The following SPICE1 variants were observed in gnomAD, a reference collection of about 807,000 sequenced individuals.
The protein encoded by SPICE1 is spindle and centriole-associated protein 1.
SPICE1 carries 75 observed loss-of-function variants against 102.7 expected under a neutral mutation model. The ratio of observed to expected loss-of-function variants is 0.73; its 90% confidence interval spans 0.61 to 0.88. The LOEUF (loss-of-function observed/expected upper bound fraction) is 0.88. Ranked by LOEUF, SPICE1 falls within the 40% of genes least tolerant of loss-of-function variation. SPICE1 has a pLI of 0.00. For missense variants in SPICE1, 979 were observed against 1,020.1 expected (o/e 0.96, Z 0.55); for synonymous variants, 308 against 350.3 (o/e 0.88, Z 1.35).
At chr3:113,455,299 C>T (rs1935755340) in intron 13 of SPICE1, among the ~76,000 whole-genome samples, 2 of 152,086 alleles carry the variant, frequency 1.3e-5, no homozygotes, top group African/African-American at 4.8e-5. Flanking sequence ...ACCCACTACT[C>T]GTTCAAGAAG....
chr3:113,509,003 T>A (rs997192509), intron 1 of SPICE1, among the ~76,000 whole-genome samples: 1 of 152,194 alleles, frequency 6.6e-6, no homozygotes, highest in Non-Finnish European at 1.5e-5. Flanking sequence ...CCCCCTATTG[T>A]TTGGTATCAT....
intron 10 of SPICE1, among the ~76,000 whole-genome samples, chr3:113,467,260 T>C (rs1044936885): frequency 5.3e-5 from 8 of 152,240 alleles, no homozygotes; most frequent in Non-Finnish European, 1.0e-4. Flanking sequence ...CTGTGGATGA[T>C]TATTTGAAAT....
chr3:113,489,847 C>CAAAAAA (rs35823502), intron 6 of SPICE1, among the ~76,000 whole-genome samples: 9 of 80,184 alleles, frequency 1.1e-4, no homozygotes, highest in Admixed American at 3.0e-4. Flanking sequence ...GACCCTGTCT[C>CAAAAAA]AAAAAAAAAA....
chr3:113,459,081 C>A lies in SPICE1; in HGVS notation c.1435+1536G>T, dbSNP rs149899114. On this transcript the variant is annotated intron_variant, in intron 12 of 17. Coordinates refer to ENST00000295872, the MANE Select transcript of SPICE1 (RefSeq NM_144718.4). ...ATTTTGTTCTGTACTAAGAAAAATTCTTCTGCCTTGGGATGCTGTTAATCT... is the reference window on the plus strand; with the variant it reads ...ATTTTGTTCTGTACTAAGAAAAATTATTCTGCCTTGGGATGCTGTTAATCT... Among the ~76,000 whole-genome samples the A allele has an allele frequency of 8.1e-3, 1,230 of 152,304 alleles. 13 individuals are homozygous for A. The highest frequency in any genetic ancestry group is 0.028 in the African/African-American group (1,151 of 41,552).
intron 7 of SPICE1, among the ~76,000 whole-genome samples, chr3:113,479,418 T>C (rs899356131): frequency 4.6e-5 from 7 of 151,940 alleles, no homozygotes; most frequent in African/African-American, 1.7e-4. Flanking sequence ...CTATTGTGAA[T>C]AGTGCCGCAA....
intron 7 of SPICE1, among the ~76,000 whole-genome samples, chr3:113,478,163 G>C (rs551276643): frequency 6.6e-6 from 1 of 151,970 alleles, no homozygotes; most frequent in East Asian, 1.9e-4. Flanking sequence ...TGAAATTATA[G>C]TACAATAAAC....
chr3:113,486,967 C>T (rs186810022), intron 7 of SPICE1, among the ~76,000 whole-genome samples: 42 of 150,946 alleles, frequency 2.8e-4, no homozygotes, highest in African/African-American at 6.6e-4. Flanking sequence ...TAAGTGTAGA[C>T]GGGAACTAGT....
chr3:113,491,358 C>T (rs1245853345), intron 6 of SPICE1, among the ~76,000 whole-genome samples: 4 of 152,058 alleles, frequency 2.6e-5, no homozygotes, highest in Non-Finnish European at 4.4e-5. Context: ...TGGTGGCTCA[C>T]GCCTGTAATC....
At chr3:113,507,902 C>T (rs1937143348) in intron 1 of SPICE1, among the ~76,000 whole-genome samples, 1 of 152,064 alleles carries the variant, frequency 6.6e-6, no homozygotes, top group South Asian at 2.1e-4. Context: ...GAAGGTCACA[C>T]AATTAGTAAG....
chr3:113,457,389 G>A (rs1935803114), intron 12 of SPICE1, 32 bp from the exon 13 acceptor site: 2 of 1,602,318 alleles, frequency 1.2e-6, no homozygotes, highest in Non-Finnish European at 1.7e-6. Context: ...TAGTACAATA[G>A]GAACAAAAAG....
chr3:113,457,062 A>G, intron 13 of SPICE1, 74 bp downstream of exon 13: 11 of 1,406,646 alleles, frequency 7.8e-6, no homozygotes, highest in Non-Finnish European at 1.1e-5. Flanking sequence ...TTTTTCATGT[A>G]ATGGTGAAAG....
chr3:113,469,623 T>C (rs1232166641), intron 7 of SPICE1, among the ~76,000 whole-genome samples: 9 of 151,178 alleles, frequency 6.0e-5, no homozygotes, highest in Admixed American at 5.3e-4. Context: ...AGTTACATGT[T>C]TGATTTGAAG....
At chr3:113,458,411 G>A (rs1167085694) in intron 12 of SPICE1, among the ~76,000 whole-genome samples, 5 of 152,290 alleles carry the variant, frequency 3.3e-5, no homozygotes, top group East Asian at 3.9e-4. Context: ...ACGGGGTTTC[G>A]CCGTGTTGGC....
chr3:113,453,646 C>T lies in SPICE1; in HGVS notation c.1962G>A (p.Gln654=). Residue 654 remains glutamine (Q), a synonymous_variant, in exon 14 of 18, where the codon CAG becomes CAA. Transcript: ENST00000295872. ...TTAATGACTCATTTGTTCTCAGCTG[C>T]TGCCCATCTCCCAGTACTGGGAGCT... The part of the protein sequence containing the change: ...SEELPVLGDG[Q]QLRTNESLIQ... The T allele has an allele frequency of 1.2e-6, 2 of 1,614,166 alleles. No individual in the cohort carries two copies. The highest frequency in any genetic ancestry group is 1.7e-6 in the Non-Finnish European group (2 of 1,180,034).
chr3:113,480,407 C>G (rs1443130301), intron 7 of SPICE1, among the ~76,000 whole-genome samples: 1 of 151,812 alleles, frequency 6.6e-6, no homozygotes, highest in African/African-American at 2.4e-5. Flanking sequence ...GCTGCAGACA[C>G]AAAAAAACTA....
Position 113,483,588 on chromosome 3 carries a change from G to C in SPICE1, c.611+5357C>G, listed in dbSNP as rs183429075. Among the ~76,000 whole-genome samples, 43 of 152,148 alleles carry C rather than the reference G, an allele frequency of 2.8e-4. No homozygotes were observed. In the East Asian group the frequency reaches 8.3e-3, roughly 29 times the overall value. ...AGTTTATTGAATTTTTAGCATGAAGGGGTGTTGAATTTTGTCAAAGGCCTT... is the reference window on the plus strand; with the variant it reads ...AGTTTATTGAATTTTTAGCATGAAGCGGTGTTGAATTTTGTCAAAGGCCTT... On this transcript the variant is annotated intron_variant, in intron 7 of 17. Transcript: ENST00000295872.
At chr3:113,507,293 T>C (rs1937130955) in intron 1 of SPICE1, among the ~76,000 whole-genome samples, 1 of 152,038 alleles carries the variant, frequency 6.6e-6, no homozygotes, top group Admixed American at 6.6e-5. Context: ...TTACACCAAA[T>C]TAGAAAAAGA....
chr3:113,486,864 T>G (rs1016560470), intron 7 of SPICE1, among the ~76,000 whole-genome samples: 19 of 79,758 alleles, frequency 2.4e-4, no homozygotes, highest in Middle Eastern at 7.4e-3. Context: ...AATAAGGAGA[T>G]ATATATATAT....
intron 15 of SPICE1, chr3:113,450,023 C>A: frequency 4.0e-6 from 1 of 250,916 alleles, no homozygotes; most frequent in Non-Finnish European, 7.7e-6. Context: ...TCAGATATTT[C>A]ATGCTTAGTT....
Sources: gnomAD v4.1 joint callset for allele counts (sites outside exome capture counted in the v4.1 genomes callset) on GRCh38, gnomAD v4.1.1 for gene constraint, MANE v1.5 for transcripts, NCBI Gene and HGNC (gene_info 2026-07-23, HGNC 2026-07-21) for gene names.